CDH2: variants seen among roughly 807,000 people sequenced by gnomAD.
The protein encoded by CDH2 is cadherin 2, also known as cadherin-2.
Under a neutral mutation model 92.0 loss-of-function variants are expected in CDH2, and 17 were observed. That is an observed-to-expected ratio of 0.18 (90% CI 0.13 to 0.28). The LOEUF is 0.28. CDH2 is among the 10% of genes least tolerant of loss of function. The pLI is 1.00. For synonymous variants in CDH2, 419 were observed against 415.9 expected, an observed-to-expected ratio of 1.01 and a Z score of -0.09; for missense variants, 862 against 1,133.1, an observed-to-expected ratio of 0.76 and a Z score of 3.44.
At chr18:28,009,204 T>C (rs1388923673) in intron 5 of CDH2, among the ~76,000 whole-genome samples, 2 of 152,110 alleles carry the variant, frequency 1.3e-5, no homozygotes, top group East Asian at 3.9e-4. Flanking sequence ...TTATTGACAA[T>C]GTTAGAAATA....
intron 6 of CDH2, among the ~76,000 whole-genome samples, chr18:27,942,703 A>C (rs978484675): frequency 6.6e-6 from 1 of 152,216 alleles, no homozygotes; most frequent in Admixed American, 6.5e-5. Flanking sequence ...AGCAGACTAC[A>C]TGTTCCCCCA....
chr18:28,078,109 T>G (rs1011450498), intron 2 of CDH2, among the ~76,000 whole-genome samples: 2 of 152,092 alleles, frequency 1.3e-5, no homozygotes, highest in African/African-American at 4.8e-5. Flanking sequence ...ATGTCCTTCA[T>G]GCAGGACAGA....
chr18:28,013,971 C>T (rs59634418), intron 2 of CDH2, 62 bp from the exon 3 acceptor site: 3 of 1,162,214 alleles, frequency 2.6e-6, no homozygotes, highest in Non-Finnish European at 3.7e-6. Context: ...AAAAAAACCC[C>T]TAATACTTAA....
chr18:27,997,232 T>TGAACTA (rs113472093), intron 7 of CDH2, among the ~76,000 whole-genome samples: 2,768 of 152,314 alleles, frequency 0.018, 116 homozygotes, highest in African/African-American at 0.064. Context: ...TTTGAAACAC[T>TGAACTA]GAGTGACATC....
intron 4 of CDH2, 98 bp downstream of exon 4, chr18:28,011,748 C>A: frequency 1.8e-6 from 2 of 1,142,312 alleles, no homozygotes; most frequent in South Asian, 1.4e-5. Context: ...TTAGTATATA[C>A]ATGTCATAAA....
Position 28,068,933 on chromosome 18 carries a change from T to A in CDH2, c.173-55024A>T, listed in dbSNP as rs572999622. Among the ~76,000 whole-genome samples, 12 of 152,304 alleles carry A rather than the reference T, an allele frequency of 7.9e-5. No homozygotes were observed. In the East Asian group the frequency reaches 1.9e-3, roughly 24 times the overall value. On this transcript the variant is annotated intron_variant, in intron 2 of 15. Coordinates refer to ENST00000269141, the MANE Select transcript of CDH2 (RefSeq NM_001792.5). Reference sequence around the variant, plus strand: ...GTCTCTACCACATAATAAACCATCTTTATTCTTTCTCTTTTGCTATTTTTG... The same window carrying A: ...GTCTCTACCACATAATAAACCATCTATATTCTTTCTCTTTTGCTATTTTTG...
At chr18:28,037,220 TA>T (rs1260353018) in intron 2 of CDH2, among the ~76,000 whole-genome samples, 1 of 152,176 alleles carries the variant, frequency 6.6e-6, no homozygotes, top group East Asian at 1.9e-4. Context: ...GCATTTTATG[TA>T]AAATGAAAGA....
chr18:28,160,330 G>A (rs530586233), intron 1 of CDH2, among the ~76,000 whole-genome samples: 1 of 152,110 alleles, frequency 6.6e-6, no homozygotes, highest in African/African-American at 2.4e-5. Flanking sequence ...GTCTAAGGTA[G>A]CTCAGGACTC....
chr18:28,072,128 C>G (rs978258687), intron 2 of CDH2, among the ~76,000 whole-genome samples: 3 of 152,102 alleles, frequency 2.0e-5, no homozygotes, highest in Admixed American at 2.0e-4. Flanking sequence ...CCCCAACTAT[C>G]AGGTTCTCAT....
At chr18:28,138,158 C>T (rs914977180) in intron 2 of CDH2, among the ~76,000 whole-genome samples, 1 of 151,918 alleles carries the variant, frequency 6.6e-6, no homozygotes, top group African/African-American at 2.4e-5. Flanking sequence ...TAAGTACTGG[C>T]ATTAATTCCT....
chr18:28,176,834 G>T, intron 1 of CDH2, 129 bp downstream of exon 1: 2 of 337,356 alleles, frequency 5.9e-6, no homozygotes, highest in Non-Finnish European at 8.4e-6. Context: ...GCGCGGCGCG[G>T]CGCGGCGCGG....
intron 2 of CDH2, among the ~76,000 whole-genome samples, chr18:28,038,884 C>T (rs568989075): frequency 2.6e-5 from 4 of 152,226 alleles, no homozygotes; most frequent in Non-Finnish European, 5.9e-5. Context: ...TTTTTAAGAG[C>T]ACGACTGCTG....
intron 2 of CDH2, among the ~76,000 whole-genome samples, chr18:28,081,628 T>C (rs1255801592): frequency 6.6e-6 from 1 of 152,230 alleles, no homozygotes; most frequent in African/African-American, 2.4e-5. Context: ...ATTACTTGTA[T>C]TATTCCACTT....
At chr18:28,098,046 A>T (rs2144226563) in intron 2 of CDH2, among the ~76,000 whole-genome samples, 1 of 152,324 alleles carries the variant, frequency 6.6e-6, no homozygotes, top group Middle Eastern at 3.4e-3. Flanking sequence ...GGAAATAATC[A>T]TAGATCTGAT....
chr18:28,039,979 CA>C (rs2013917273), intron 2 of CDH2, among the ~76,000 whole-genome samples: 1 of 152,122 alleles, frequency 6.6e-6, no homozygotes, highest in Admixed American at 6.6e-5. Context: ...CCGGCAATGC[CA>C]AAATCAGAAG....
chr18:28,030,249 G>C (rs1056799354), intron 2 of CDH2, among the ~76,000 whole-genome samples: 1 of 151,424 alleles, frequency 6.6e-6, no homozygotes, highest in Non-Finnish European at 1.5e-5. Context: ...CAACAGATGT[G>C]GATAATTGGG....
At chr18:28,002,170 G>T (rs2012789195) in intron 7 of CDH2, among the ~76,000 whole-genome samples, 1 of 152,168 alleles carries the variant, frequency 6.6e-6, no homozygotes, top group South Asian at 2.1e-4. Context: ...TATGAGCAGT[G>T]CTTGAATCAG....
At chr18:28,009,643 TAA>T (rs1233926735) in intron 5 of CDH2, 72 bp downstream of exon 5, 11 of 1,358,982 alleles carry the variant, frequency 8.1e-6, no homozygotes, top group Non-Finnish European at 1.0e-5. Context: ...CAGACTGATA[TAA>T]GAGGCAATGG....
chr18:27,995,429 T>C (rs2012551671), intron 7 of CDH2, among the ~76,000 whole-genome samples: 1 of 152,152 alleles, frequency 6.6e-6, no homozygotes, highest in South Asian at 2.1e-4. Flanking sequence ...GTGAGAGAAT[T>C]TCGCAGGACA....
Sources: gnomAD v4.1 joint callset for allele counts (sites outside exome capture counted in the v4.1 genomes callset) on GRCh38, gnomAD v4.1.1 for gene constraint, MANE v1.5 for transcripts, NCBI Gene and HGNC (gene_info 2026-07-23, HGNC 2026-07-21) for gene names.